The following KLRG2 variants were observed in gnomAD, a reference collection of about 807,000 sequenced individuals.
The protein encoded by KLRG2 is killer cell lectin-like receptor subfamily G member 2.
KLRG2 carries 39 observed loss-of-function variants against 35.4 expected under a neutral mutation model. The ratio of observed to expected loss-of-function variants is 1.10; its 90% CI spans 0.85 to 1.44. The LOEUF (loss-of-function observed/expected upper bound fraction) is 1.44. Among genes scored for constraint, KLRG2 ranks in the 40% most tolerant of loss-of-function variants. The pLI, the probability that KLRG2 is intolerant of heterozygous loss-of-function variation, is 0.00. For synonymous variants in KLRG2, 283 were observed against 265.8 expected (o/e 1.06, Z -0.63); for missense variants, 632 against 570.9 (o/e 1.11, Z -1.09).
the KLRG2 span, among the ~76,000 whole-genome samples, chr7:139,429,386 CT>C: frequency 2.8e-5 from 4 of 144,074 alleles, no homozygotes; most frequent in Non-Finnish European, 3.1e-5. Context: ...TTTTCTTTTT[CT>C]TTTTTTTTTA....
the KLRG2 span, among the ~76,000 whole-genome samples, chr7:139,427,513 C>T: frequency 6.6e-6 from 1 of 152,188 alleles, no homozygotes; most frequent in Non-Finnish European, 1.5e-5. Context: ...GAGACTGATT[C>T]TTCAAGTCTC....
chr7:139,483,299 G>A lies in KLRG2; in HGVS notation c.344C>T (p.Ala115Val). Reference protein sequence around the residue: ...RNGEAPGAEPAPSAWAPMELQ... With the variant: ...RNGEAPGAEPVPSAWAPMELQ... The stretch of plus-strand genomic sequence containing the variant: ...CTCCATGGGCGCCCAGGCGCTGGGC[G>A]CAGGCTCAGCCCCGGGCGCCTCGCC... The change falls in exon 1 of 5, where the codon GCG (alanine) becomes GTG (valine). Residue 115 changes from alanine to valine, a missense_variant. Physicochemically the swap from Ala to Val is moderately conservative, Grantham distance 64 (BLOSUM62 0). Coordinates refer to ENST00000340940, the MANE Select transcript of KLRG2 (RefSeq NM_198508.4). The A allele has an allele frequency of 6.4e-7, 1 of 1,556,390 alleles. No homozygotes were observed. Among genetic ancestry groups the A allele is most frequent in the South Asian group, 1.2e-5 (1 of 86,028 alleles).
At chr7:139,474,093 T>TGCCACC (rs1214347693) in intron 3 of KLRG2, among the ~76,000 whole-genome samples, 1 of 151,084 alleles carries the variant, frequency 6.6e-6, no homozygotes, top group Non-Finnish European at 1.5e-5. Flanking sequence ...ATCTTGGCTC[T>TGCCACC]GCCACCTCCA....
At chr7:139,466,289 G>GGT (rs1463545268) in intron 3 of KLRG2, among the ~76,000 whole-genome samples, 3 of 152,146 alleles carry the variant, frequency 2.0e-5, no homozygotes, top group Non-Finnish European at 4.4e-5. Context: ...CTTTCCCACA[G>GGT]GGTCTGAGAA....
chr7:139,474,271 C>T (rs1796811222), intron 3 of KLRG2, among the ~76,000 whole-genome samples: 2 of 152,130 alleles, frequency 1.3e-5, no homozygotes, highest in South Asian at 4.1e-4. Flanking sequence ...AGTGATCCAT[C>T]TGCCTTGGCC....
chr7:139,455,214 T>C (rs944228618), intron 3 of KLRG2, among the ~76,000 whole-genome samples: 1 of 152,004 alleles, frequency 6.6e-6, no homozygotes, highest in Non-Finnish European at 1.5e-5. Context: ...GGAAGGGTTT[T>C]GCCGTGTTGG....
chr7:139,483,485 G>T lies in KLRG2; in HGVS notation c.158C>A (p.Ala53Asp). 1 of 1,596,308 alleles carries T rather than the reference G, an allele frequency of 6.3e-7. No homozygotes were observed. The change falls in exon 1 of 5, where the codon GCC becomes GAC. Residue 53 changes from alanine (A) to aspartate (D), a missense_variant. Physicochemically the swap from Ala to Asp is moderately radical, Grantham distance 126. Transcript: ENST00000340940. ...GCCTGCGCCCGCCGCCTTCTCCACG[G>T]CCCCGGCCGGACTTGGGCTGCTTTC... is the stretch of plus-strand genomic sequence containing the variant. ...GPESSPSPAG[A>D]VEKAAGAGLE...
Position 139,482,771 on chromosome 7 carries a change from A to G in KLRG2, c.757+115T>C, listed in dbSNP as rs1585180400. ...ATCGGGTTGGGGATCGGGATGGCCA[A>G]CTGGGTCCCTTAGTCGGTCAGCTGC... On this transcript the variant is annotated intron_variant, in intron 1 of 4. Transcript: ENST00000340940. The G allele has an allele frequency of 5.1e-6, 5 of 978,308 alleles. No homozygotes were observed. In the Admixed American group the frequency reaches 1.3e-4, roughly 25 times the overall value. 60.6% of individuals were successfully genotyped at this position (978,308 alleles called of 1,614,324 possible).
At position 139,454,145 on chromosome 7, in the gene KLRG2, GCCAGC is replaced by G; in HGVS notation, c.1070_1074del (p.Gly357AlafsTer15). 6.5e-7 allele frequency: 1 copy of G among 1,546,706 alleles called. No individual in the cohort carries two copies. Among genetic ancestry groups the G allele is most frequent in the South Asian group, 1.2e-5 (1 of 83,848 alleles). ...GGGAGTGGGGCCTCGTCGATCCAGTGCCAGCCCTGGGGGCCTCGCCAGGCCCCCAC... is the reference window on the plus strand; with the variant it reads ...GGGAGTGGGGCCTCGTCGATCCAGTGCCTGGGGGCCTCGCCAGGCCCCCAC... On this transcript the variant is annotated frameshift_variant, in exon 4 of 5. Coordinates refer to ENST00000340940, the MANE Select transcript of KLRG2 (RefSeq NM_198508.4). LOFTEE classifies it low-confidence loss of function (END_TRUNC).
At chr7:139,441,326 CATGG>C in the KLRG2 span, among the ~76,000 whole-genome samples, 1 of 152,108 alleles carries the variant, frequency 6.6e-6, no homozygotes. Flanking sequence ...TTTGCAGGGA[CATGG>C]ATGAAGCTGG....
chr7:139,427,302 G>A, the KLRG2 span, among the ~76,000 whole-genome samples: 58,277 of 151,960 alleles, frequency 0.38, 15,596 homozygotes, highest in African/African-American at 0.76. Flanking sequence ...GGTAGCAGCA[G>A]AAACATTAGG....
Position 139,482,992 on chromosome 7 carries a change from CGT to C in KLRG2, c.649_650del (p.Thr217ValfsTer156). The C allele has an allele frequency of 7.2e-7, 1 of 1,393,788 alleles. No homozygotes were observed. Among genetic ancestry groups the C allele is most frequent in the Non-Finnish European group, 9.2e-7 (1 of 1,082,410 alleles). 86.3% of individuals were successfully genotyped at this position (1,393,788 alleles called of 1,614,324 possible). On this transcript the variant is annotated frameshift_variant, in exon 1 of 5. Coordinates refer to ENST00000340940, the MANE Select transcript of KLRG2 (RefSeq NM_198508.4). LOFTEE classifies it high-confidence loss of function. ...GCCCCAGCTCCTTGCAGCGGCAGCA[CGT>C]GGGGGAGCCCGGGGAGCCGGCGCTT... ...EGSAGSPGSP[T>X]CCRCKELGLE...
chr7:139,483,307 A>C lies in KLRG2; in HGVS notation c.336T>G (p.Ala112=), dbSNP rs749095863. 5.2e-6 allele frequency: 8 copies of C among 1,552,396 alleles called. No individual in the cohort carries two copies. The East Asian group carries it at 1.3e-4, about 24-fold the overall frequency. Residue 112 remains alanine (A), a synonymous_variant, in exon 1 of 5, where the codon GCT becomes GCG. Transcript: ENST00000340940. ...KLPRNGEAPG[A]EPAPSAWAPM... ...GCGCCCAGGCGCTGGGCGCAGGCTC[A>C]GCCCCGGGCGCCTCGCCATTCCGGG...
chr7:139,450,220 T>TG (rs61577879), downstream of KLRG2, among the ~76,000 whole-genome samples: 55,064 of 150,656 alleles, frequency 0.37, 13,526 homozygotes, highest in African/African-American at 0.71. Flanking sequence ...TGTTTGTTTT[T>TG]TTTTTTGTTT....
At chr7:139,463,527 C>T (rs540259459) in intron 3 of KLRG2, among the ~76,000 whole-genome samples, 4 of 152,328 alleles carry the variant, frequency 2.6e-5, no homozygotes, top group East Asian at 1.9e-4. Flanking sequence ...AGCGGCCAGG[C>T]GTTCCTACAG....
At chr7:139,447,200 C>T in the KLRG2 span, among the ~76,000 whole-genome samples, 1 of 152,154 alleles carries the variant, frequency 6.6e-6, no homozygotes, top group Non-Finnish European at 1.5e-5. Flanking sequence ...TTTAAATAGT[C>T]ATGTGTCGCT....
At chr7:139,468,480 C>T (rs1427838272) in intron 3 of KLRG2, among the ~76,000 whole-genome samples, 3 of 152,136 alleles carry the variant, frequency 2.0e-5, no homozygotes, top group Admixed American at 1.3e-4. Context: ...CAGAGAACAA[C>T]CCTCTTTGAC....
the KLRG2 span, among the ~76,000 whole-genome samples, chr7:139,430,367 A>AC: frequency 6.6e-6 from 1 of 151,574 alleles, no homozygotes; most frequent in South Asian, 2.1e-4. Context: ...GAGCCATTGC[A>AC]CTCCAGCCTG....
In KLRG2 at chr7:139,454,183, T is replaced by A. The variant is rs199708788; in HGVS notation, c.1037A>T (p.His346Leu). 1.3e-6 allele frequency: 2 copies of A among 1,542,908 alleles called. No individual in the cohort carries two copies. The highest frequency in any genetic ancestry group is 2.5e-5 in the East Asian group (1 of 40,740). ...GCCTCGCCAGGCCCCCACCCAGGAG[T>A]GCCTGGAGACTGGGTATCTGCCCAG... The part of the protein sequence containing the change: ...DFLGRYPVSR[H>L]SWVGAWRGPQ... The change falls in exon 4 of 5, where the codon CAC becomes CTC. Residue 346 changes from histidine (H) to leucine (L), a missense_variant. By Grantham distance (99) the His-to-Leu change is moderately conservative. Transcript: ENST00000340940.
Sources: gnomAD v4.1 joint callset for allele counts (sites outside exome capture counted in the v4.1 genomes callset) on GRCh38, gnomAD v4.1.1 for gene constraint, MANE v1.5 for transcripts, NCBI Gene and HGNC (gene_info 2026-07-23, HGNC 2026-07-21) for gene names.